Variants in SASH1 observed in about 807,000 individuals in gnomAD.
SASH1 encodes SAM and SH3 domain-containing protein 1.
A neutral mutation model predicts 125.2 loss-of-function variants in SASH1; 44 were observed. The ratio of observed to expected loss-of-function variants is 0.35; its 90% CI spans 0.28 to 0.45. The LOEUF (loss-of-function observed/expected upper bound fraction) is 0.45, where lower values mean the gene tolerates loss of function less well. Among genes scored for constraint, SASH1 ranks in the 20% least tolerant of loss-of-function variants. The pLI is 1.00. For synonymous variants in SASH1, 639 were observed against 649.1 expected, an observed-to-expected ratio of 0.98 and a Z score of 0.24; for missense variants, 1,426 against 1,614.5, an observed-to-expected ratio of 0.88 and a Z score of 2.00.
chr6:148,515,291 T>A (rs932860504), intron 9 of SASH1, among the ~76,000 whole-genome samples: 17 of 152,202 alleles, frequency 1.1e-4, no homozygotes, highest in Non-Finnish European at 2.4e-4. Context: ...TGTTAAAATG[T>A]CATATCTACA....
intron 2 of SASH1, among the ~76,000 whole-genome samples, chr6:148,426,086 G>A (rs1057074397): frequency 1.2e-4 from 19 of 152,094 alleles, no homozygotes; most frequent in Admixed American, 4.6e-4. Flanking sequence ...GCACACGCCT[G>A]TAATCCCAGC....
chr6:148,238,439 G>T, the SASH1 span, among the ~76,000 whole-genome samples: 1 of 152,066 alleles, frequency 6.6e-6, no homozygotes, highest in African/African-American at 2.4e-5. Flanking sequence ...GGCCATGCTG[G>T]TCTCAAACTC....
intron 8 of SASH1, among the ~76,000 whole-genome samples, chr6:148,493,187 G>C (rs959372264): frequency 6.6e-6 from 1 of 152,144 alleles, no homozygotes; most frequent in Non-Finnish European, 1.5e-5. Flanking sequence ...GCCCACCTCT[G>C]GTCATGCTGT....
intron 4 of SASH1, among the ~76,000 whole-genome samples, chr6:148,464,151 G>A (rs933567676): frequency 2.0e-5 from 3 of 152,092 alleles, no homozygotes; most frequent in Admixed American, 1.3e-4. Flanking sequence ...CCTTAATGTA[G>A]GAATTTTCTT....
At chr6:148,299,288 G>T (rs1779866819) in intron 1 of SASH1, among the ~76,000 whole-genome samples, 1 of 150,728 alleles carries the variant, frequency 6.6e-6, no homozygotes, top group South Asian at 2.1e-4. Context: ...ACATTACAAA[G>T]ATTTTTTTTG....
At chr6:148,339,841 G>T (rs967204076), upstream of SASH1, among the ~76,000 whole-genome samples, 2 of 152,112 alleles carry the variant, frequency 1.3e-5, no homozygotes, top group Non-Finnish European at 2.9e-5. Flanking sequence ...CACCATGCCC[G>T]GCCCGTTTAA....
chr6:148,236,313 C>T, the SASH1 span, among the ~76,000 whole-genome samples: 1 of 151,980 alleles, frequency 6.6e-6, no homozygotes, highest in Non-Finnish European at 1.5e-5. Flanking sequence ...CTCTGAGTTC[C>T]AGTGATTCTC....
chr6:148,537,117 T>G (rs1316185066), intron 16 of SASH1, among the ~76,000 whole-genome samples: 1 of 152,204 alleles, frequency 6.6e-6, no homozygotes, highest in Admixed American at 6.5e-5. Flanking sequence ...CATGATAGGT[T>G]TCTGTCAAAC....
chr6:148,369,458 G>A (rs1782622889), intron 1 of SASH1, among the ~76,000 whole-genome samples: 1 of 152,198 alleles, frequency 6.6e-6, no homozygotes, highest in Non-Finnish European at 1.5e-5. Context: ...TTAATGATAA[G>A]AGTAATCGTT....
intron 1 of SASH1, among the ~76,000 whole-genome samples, chr6:148,328,003 A>G (rs1780887395): frequency 1.3e-5 from 2 of 152,058 alleles, no homozygotes; most frequent in Admixed American, 1.3e-4. Flanking sequence ...TGAGTGGCAA[A>G]TTAGAGAATT....
rs1355677684 is a variant in SASH1 at position 148,421,138 on chromosome 6, GAAGGAAGGAAGAAAGAAAGAAAGAAAGA to G, written c.286-19042_286-19015del. The stretch of plus-strand genomic sequence containing the variant: ...AAAAGAAAGGAAGAAAGGAAGGAAG[GAAGGAAGGAAGAAAGAAAGAAAGAAAGA>G]AAGAAAGAAAGAAAGAAAGAAAGAA... On this transcript the variant is annotated intron_variant, in intron 2 of 19. Transcript: ENST00000367467. Among the ~76,000 whole-genome samples, 162 of 54,140 alleles carry G rather than the reference GAAGGAAGGAAGAAAGAAAGAAAGAAAGA, an allele frequency of 3.0e-3. 1 individual carries two copies. The highest frequency in any genetic ancestry group is 4.0e-3 in the Non-Finnish European group (95 of 23,806). The allele number at this position is 54,140 out of a possible 152,430, so 35.5% of individuals were successfully genotyped here.
chr6:148,384,844 T>G (rs1163646113), intron 1 of SASH1, among the ~76,000 whole-genome samples: 1 of 152,176 alleles, frequency 6.6e-6, no homozygotes, highest in African/African-American at 2.4e-5. Flanking sequence ...CATAAACATA[T>G]CCATCATTCC....
chr6:148,422,065 G>T (rs927549909), intron 2 of SASH1, among the ~76,000 whole-genome samples: 3 of 152,162 alleles, frequency 2.0e-5, no homozygotes, highest in Middle Eastern at 3.2e-3. Context: ...CCTCCTCTTG[G>T]TATAGAGGAA....
rs568917233 is a variant in SASH1 at position 148,424,590 on chromosome 6, C to T, written c.286-15594C>T. Reference sequence around the variant, plus strand: ...GTGCAATCATAACTCACTGTAACCTCTAACTCCTGGCCTCTAAGGATCTTC... The same window carrying T: ...GTGCAATCATAACTCACTGTAACCTTTAACTCCTGGCCTCTAAGGATCTTC... On this transcript the variant is annotated intron_variant, in intron 2 of 19. Coordinates refer to ENST00000367467, the MANE Select transcript of SASH1 (RefSeq NM_015278.5). 2.6e-4 allele frequency among the ~76,000 whole-genome samples: 39 copies of T among 152,318 alleles called. No homozygotes were observed. The South Asian group carries it at 2.9e-3, about 11-fold the overall frequency.
rs181864826 is a variant in SASH1, at chr6:148,322,062, A to G, written n.74+49685A>G. Among the ~76,000 whole-genome samples the G allele has an allele frequency of 7.8e-4, 119 of 152,224 alleles. 1 individual carries two copies. Among genetic ancestry groups the G allele is most frequent in the Middle Eastern group, 3.4e-3 (1 of 294 alleles). ...AACAGTAGCATCTCTTAAATCTTCC[A>G]TCTCTCAGCCGGGCACAGTGGCCCA... On this transcript the variant is annotated intron_variant and non_coding_transcript_variant, in intron 1 of 3. Transcript: ENST00000367469.
chr6:148,347,572 T>A (rs1323728534), intron 1 of SASH1, among the ~76,000 whole-genome samples: 1 of 152,138 alleles, frequency 6.6e-6, no homozygotes, highest in African/African-American at 2.4e-5. Flanking sequence ...GGCGGGGAGA[T>A]GTTAGTGAGA....
chr6:148,401,816 C>T (rs1438588488), intron 2 of SASH1, among the ~76,000 whole-genome samples: 1 of 151,830 alleles, frequency 6.6e-6, no homozygotes, highest in Non-Finnish European at 1.5e-5. Context: ...TTAGTGTGTG[C>T]AACAGCAGAG....
At chr6:148,491,825 A>G (rs1487115179) in intron 8 of SASH1, among the ~76,000 whole-genome samples, 2 of 152,236 alleles carry the variant, frequency 1.3e-5, no homozygotes, top group Non-Finnish European at 2.9e-5. Context: ...CGTTTATAAT[A>G]ATAAATGTGT....
intron 1 of SASH1, among the ~76,000 whole-genome samples, chr6:148,383,611 T>A (rs112237084): frequency 2.0e-5 from 3 of 152,338 alleles, no homozygotes; most frequent in African/African-American, 7.2e-5. Context: ...TATCTCCTGA[T>A]GTTTTCAGAT....
Sources: allele counts gnomAD v4.1 joint callset (sites outside exome capture counted in the v4.1 genomes callset), GRCh38; gene constraint gnomAD v4.1.1; transcripts MANE v1.5; gene names NCBI Gene and HGNC (gene_info 2026-07-23, HGNC 2026-07-21).